Variants in KCNIP4 observed in about 807,000 individuals in gnomAD.
KCNIP4 encodes the protein Kv channel-interacting protein 4.
Under a neutral mutation model 34.0 loss-of-function variants are expected in KCNIP4, and 12 were observed. The ratio of observed to expected loss-of-function variants is 0.35; its 90% CI spans 0.23 to 0.57. The LOEUF (loss-of-function observed/expected upper bound fraction) is 0.57, where lower values mean the gene tolerates loss of function less well. Ranked by LOEUF, KCNIP4 falls within the 20% of genes least tolerant of loss-of-function variation. The pLI is 0.83. For synonymous variants in KCNIP4, 124 were observed against 102.2 expected (o/e 1.21, Z -1.29); for missense variants, 238 against 311.7 (o/e 0.76, Z 1.78).
At chr4:21,083,000 A>G (rs773867555) in intron 1 of KCNIP4, among the ~76,000 whole-genome samples, 1 of 151,810 alleles carries the variant, frequency 6.6e-6, no homozygotes, top group Non-Finnish European at 1.5e-5. Context: ...CATGTTAAAT[A>G]TATTTCCAGA....
At chr4:21,743,515 T>C (rs1716567099) in intron 1 of KCNIP4, among the ~76,000 whole-genome samples, 1 of 152,024 alleles carries the variant, frequency 6.6e-6, no homozygotes, top group Non-Finnish European at 1.5e-5. Context: ...CAAAATCTTT[T>C]ACCATGTACA....
chr4:21,606,687 G>A (rs1271407839), intron 1 of KCNIP4, among the ~76,000 whole-genome samples: 1 of 152,040 alleles, frequency 6.6e-6, no homozygotes. Flanking sequence ...TCTGCCTCCC[G>A]GGTTCAATCG....
chr4:21,896,417 G>T (rs1727387577), intron 1 of KCNIP4, among the ~76,000 whole-genome samples: 2 of 152,120 alleles, frequency 1.3e-5, no homozygotes, highest in African/African-American at 4.8e-5. Context: ...CAAGAAAAAG[G>T]ACTTGTGTTT....
intron 1 of KCNIP4, among the ~76,000 whole-genome samples, chr4:21,471,737 T>A (rs1730484183): frequency 6.6e-6 from 1 of 152,112 alleles, no homozygotes; most frequent in Non-Finnish European, 1.5e-5. Flanking sequence ...AACTGAGTCT[T>A]CTCTGGCTAC....
At chr4:20,773,642 C>A (rs888855570) in intron 3 of KCNIP4, among the ~76,000 whole-genome samples, 1 of 152,174 alleles carries the variant, frequency 6.6e-6, no homozygotes, top group Non-Finnish European at 1.5e-5. Context: ...ATTTCCAGTT[C>A]TTTTTCTTAA....
chr4:21,245,858 C>A (rs556149358), intron 1 of KCNIP4, among the ~76,000 whole-genome samples: 1 of 152,092 alleles, frequency 6.6e-6, no homozygotes, highest in Non-Finnish European at 1.5e-5. Context: ...CTGCAAGTAG[C>A]AACATTTCTC....
intron 1 of KCNIP4, among the ~76,000 whole-genome samples, chr4:21,798,404 C>CATATATATATATATATAT (rs112991875): frequency 0.015 from 1,989 of 129,438 alleles, 36 homozygotes; most frequent in Middle Eastern, 0.03. Context: ...CAAAAAAATA[C>CATATATATATATATATAT]ATATATATAT....
chr4:20,915,490 A>G (rs2149576809), intron 1 of KCNIP4, among the ~76,000 whole-genome samples: 1 of 152,328 alleles, frequency 6.6e-6, no homozygotes, highest in South Asian at 2.1e-4. Context: ...TATTTTGATT[A>G]ATACAACATA....
chr4:21,497,324 T>G (rs1732933579), intron 1 of KCNIP4, among the ~76,000 whole-genome samples: 1 of 152,174 alleles, frequency 6.6e-6, no homozygotes, highest in African/African-American at 2.4e-5. Flanking sequence ...ACTTGGATCA[T>G]TATTGCCCCT....
At chr4:21,502,710 C>T (rs976748299) in intron 1 of KCNIP4, among the ~76,000 whole-genome samples, 41 of 152,094 alleles carry the variant, frequency 2.7e-4, no homozygotes, top group African/African-American at 8.0e-4. Flanking sequence ...GTTAATTTTC[C>T]GTAATAAGGG....
At chr4:21,261,963 C>T (rs910412793) in intron 1 of KCNIP4, among the ~76,000 whole-genome samples, 1 of 152,156 alleles carries the variant, frequency 6.6e-6, no homozygotes, top group Admixed American at 6.5e-5. Context: ...CAACTGACTG[C>T]AATCTGAATC....
intron 1 of KCNIP4, among the ~76,000 whole-genome samples, chr4:21,498,142 C>T (rs971869222): frequency 2.0e-5 from 3 of 151,902 alleles, no homozygotes; most frequent in Admixed American, 6.6e-5. Flanking sequence ...AAAATTCACC[C>T]GAATATTGTT....
intron 1 of KCNIP4, among the ~76,000 whole-genome samples, chr4:21,471,264 CT>C (rs111842354): frequency 1.2e-4 from 18 of 152,202 alleles, no homozygotes; most frequent in Admixed American, 3.3e-4. Context: ...AAAATGCTTC[CT>C]TCCTCTGGAG....
At chr4:21,730,809 T>C (rs1165059329) in intron 1 of KCNIP4, among the ~76,000 whole-genome samples, 2 of 152,084 alleles carry the variant, frequency 1.3e-5, no homozygotes, top group African/African-American at 2.4e-5. Flanking sequence ...CTGGTTATTG[T>C]GCAAATTAAG....
chr4:21,548,854 A>C (rs1254538686), intron 1 of KCNIP4, among the ~76,000 whole-genome samples: 1 of 152,050 alleles, frequency 6.6e-6, no homozygotes, highest in Non-Finnish European at 1.5e-5. Context: ...TAAAAATTTA[A>C]ATTCATACTT....
At chr4:21,741,563 C>T (rs934079489) in intron 1 of KCNIP4, among the ~76,000 whole-genome samples, 6 of 152,108 alleles carry the variant, frequency 3.9e-5, no homozygotes, top group Non-Finnish European at 8.8e-5. Flanking sequence ...TAAGCCTCAC[C>T]ACTACTTGCT....
chr4:21,599,061 C>T (rs578014052), intron 1 of KCNIP4, among the ~76,000 whole-genome samples: 192 of 152,138 alleles, frequency 1.3e-3, no homozygotes, highest in Non-Finnish European at 2.3e-3. Flanking sequence ...TGTCAACATT[C>T]GTCAGATCTT....
At chr4:21,223,700 T>C (rs1330514120) in intron 1 of KCNIP4, among the ~76,000 whole-genome samples, 2 of 152,238 alleles carry the variant, frequency 1.3e-5, no homozygotes, top group African/African-American at 4.8e-5. Context: ...AGTCAGTTAC[T>C]CCTTTCTAAT....
chr4:20,913,693 G>T (rs1241632229), intron 1 of KCNIP4, among the ~76,000 whole-genome samples: 1 of 152,160 alleles, frequency 6.6e-6, no homozygotes, highest in Admixed American at 6.5e-5. Flanking sequence ...TAAGCAGCTG[G>T]ACAGAATGAA....
Sources: gnomAD v4.1 joint callset for allele counts (sites outside exome capture counted in the v4.1 genomes callset) on GRCh38, gnomAD v4.1.1 for gene constraint, MANE v1.5 for transcripts, NCBI Gene and HGNC (gene_info 2026-07-23, HGNC 2026-07-21) for gene names.